Variants in MYH4 observed in about 807,000 individuals in gnomAD.
MYH4 encodes the protein myosin-4.
Under a neutral mutation model 229.9 loss-of-function variants are expected in MYH4, and 200 were observed. The observed-to-expected ratio is 0.87, with a 90% confidence interval of 0.78 to 0.98. MYH4 has a LOEUF of 0.98. Ranked by LOEUF, MYH4 falls within the 50% of genes least tolerant of loss-of-function variation. MYH4 has a pLI of 0.00. For synonymous variants in MYH4, 761 were observed against 834.6 expected (o/e 0.91, Z 1.52); for missense variants, 2,148 against 2,332.6 (o/e 0.92, Z 1.63).
rs778250398 is a variant in MYH4 at position 10,455,693 on chromosome 17, A to T, written c.2095T>A (p.Cys699Ser). 1 of 1,614,150 alleles carries T rather than the reference A, an allele frequency of 6.2e-7. No individual in the cohort carries two copies. The highest frequency in any genetic ancestry group is 1.1e-5 in the South Asian group (1 of 91,078). The change falls in exon 19 of 40, where the codon TGT becomes AGT. Residue 699 changes from cysteine to serine, a missense_variant. Physicochemically the swap from Cys to Ser is moderately radical, Grantham distance 112. Transcript: ENST00000255381. ...EHELVLHQLR[C>S]NGVLEGIRIC... ...CGGATGCCTTCCAGCACACCGTTAC[A>T]CCTCAGCTGATGCAGGACAAGCTCA...
chr17:10,463,460 C>A (rs1388250303), intron 8 of MYH4, 59 bp from the exon 9 acceptor site: 1 of 1,584,796 alleles, frequency 6.3e-7, no homozygotes. Context: ...ATTTCTTTAG[C>A]TGTGGACCAA....
chr17:10,457,511 G>T lies in MYH4; in HGVS notation c.1806C>A (p.Asp602Glu), dbSNP rs763727367. ...NIAGWLDKNK[D>E]PLNETVVGLY... is the part of the protein sequence containing the mutation. ...GCCCCACCACAGTCTCATTCAGGGG[G>T]TCCTTGTTTTTGTCCAGCCAGCCGG... is the stretch of plus-strand genomic sequence containing the variant. The change falls in exon 16 of 40, where the codon GAC becomes GAA. Residue 602 changes from aspartate (D) to glutamate (E), a missense_variant. Physicochemically the swap from Asp to Glu is conservative, Grantham distance 45 (BLOSUM62 2). Transcript: ENST00000255381. 134 of 1,614,072 alleles carry T rather than the reference G, an allele frequency of 8.3e-5. No homozygotes were observed. Among genetic ancestry groups the T allele is most frequent in the Admixed American group, 1.8e-4 (11 of 60,014 alleles).
At chr17:10,445,388 A>AAGC (rs1567697685) in intron 35 of MYH4, 26 bp from the exon 36 acceptor site, 10 of 1,612,498 alleles carry the variant, frequency 6.2e-6, no homozygotes, top group Non-Finnish European at 8.5e-6. Flanking sequence ...GAAAGAGAAG[A>AAGC]GAAGCACATT....
intron 2 of MYH4, 129 bp from the exon 3 acceptor site, chr17:10,466,913 A>G (rs2072774500): frequency 1.4e-6 from 1 of 740,660 alleles, no homozygotes; most frequent in Non-Finnish European, 2.2e-6. Context: ...CCACTCCTGT[A>G]TACTATGTCA....
chr17:10,464,804 C>T (rs2072744844), intron 5 of MYH4, 96 bp from the exon 6 acceptor site: 6 of 1,208,788 alleles, frequency 5.0e-6, no homozygotes, highest in Non-Finnish European at 5.8e-6. Flanking sequence ...TTTAAAACTC[C>T]CCATTTGCAA....
At position 10,454,439 on chromosome 17, in the gene MYH4, C is replaced by T. The variant is rs138776523; in HGVS notation, c.2691+116G>A. On this transcript the variant is annotated intron_variant, in intron 22 of 39. Coordinates refer to ENST00000255381, the MANE Select transcript of MYH4 (RefSeq NM_017533.2). Reference sequence around the variant, plus strand: ...TTTGCATCTATTGCTTCTTTATGCCCGAGTCTTGGTGTTTTTGAACAGCAA... The same window carrying T: ...TTTGCATCTATTGCTTCTTTATGCCTGAGTCTTGGTGTTTTTGAACAGCAA... The T allele has an allele frequency of 1.4e-4, 191 of 1,363,272 alleles. No individual in the cohort carries two copies. In the East Asian group the frequency reaches 3.6e-3, roughly 26 times the overall value. The allele number at this position is 1,363,272 out of a possible 1,614,324, so 84.4% of individuals were successfully genotyped here.
chr17:10,463,495 A>G, intron 8 of MYH4, 56 bp downstream of exon 8: 11 of 1,576,346 alleles, frequency 7.0e-6, no homozygotes, highest in Non-Finnish European at 8.7e-6. Context: ...TATTGACACC[A>G]CATGCACACA....
chr17:10,464,348 T>C, intron 7 of MYH4, 124 bp downstream of exon 7: 1 of 832,696 alleles, frequency 1.2e-6, no homozygotes. Flanking sequence ...TTGATCTTTT[T>C]TAAGGCTGCA....
At chr17:10,457,316 C>T (rs983528992) in intron 16 of MYH4, 104 bp downstream of exon 16, 1 of 1,283,304 alleles carries the variant, frequency 7.8e-7, no homozygotes, top group Non-Finnish European at 1.1e-6. Flanking sequence ...CATGTATTGG[C>T]CAGTGTTTTT....
chr17:10,450,799 C>G lies in MYH4; in HGVS notation c.3962G>C (p.Arg1321Thr). ...AFTQQIEELK[R>T]QLEEETKAKS... ...CACCTTAGTCTCCTCTTCTAGCTGC[C>G]TCTTTAATTCTTCAATCTGTTGTGT... Residue 1321 changes from arginine to threonine, a missense_variant, in exon 29 of 40, where the codon AGG (arginine) becomes ACG (threonine). Coordinates refer to ENST00000255381, the MANE Select transcript of MYH4 (RefSeq NM_017533.2). The G allele has an allele frequency of 6.2e-7, 1 of 1,613,936 alleles. No individual in the cohort carries two copies. The highest frequency in any genetic ancestry group is 1.1e-5 in the South Asian group (1 of 91,090).
At chr17:10,464,333 T>G in intron 7 of MYH4, 139 bp downstream of exon 7, 1 of 773,004 alleles carries the variant, frequency 1.3e-6, no homozygotes, top group East Asian at 2.7e-5. Context: ...GCAAAAAATA[T>G]GATTTTGATC....
chr17:10,447,730 T>C (rs1335476246), intron 34 of MYH4, 88 bp downstream of exon 34: 12 of 1,282,986 alleles, frequency 9.4e-6, no homozygotes, highest in Non-Finnish European at 1.3e-5. Context: ...AGGTGATTTA[T>C]GACACATAGT....
chr17:10,457,758 G>C (rs369299393), intron 15 of MYH4, 29 bp from the exon 16 acceptor site: 85 of 1,594,986 alleles, frequency 5.3e-5, no homozygotes, highest in East Asian at 6.7e-5. Flanking sequence ...GGATGATAAT[G>C]ATGAGTCCCT....
chr17:10,464,230 C>G (rs1260155040), intron 7 of MYH4, among the ~76,000 whole-genome samples: 1 of 152,078 alleles, frequency 6.6e-6, no homozygotes, highest in Non-Finnish European at 1.5e-5. Context: ...CATTCATGCT[C>G]AATGTCTAGC....
intron 15 of MYH4, among the ~76,000 whole-genome samples, chr17:10,458,412 C>T (rs73275425): frequency 0.029 from 4,435 of 152,234 alleles, 195 homozygotes; most frequent in African/African-American, 0.1. Context: ...ATAAAGTTTT[C>T]ATGAATAGTA....
intron 2 of MYH4, among the ~76,000 whole-genome samples, chr17:10,468,148 T>C (rs1318924391): frequency 6.6e-6 from 1 of 152,248 alleles, no homozygotes; most frequent in East Asian, 1.9e-4. Context: ...TTTTTTTTCT[T>C]TGAAGAAGAA....
At chr17:10,454,335 G>A (rs962445498) in intron 22 of MYH4, among the ~76,000 whole-genome samples, 2 of 152,204 alleles carry the variant, frequency 1.3e-5, no homozygotes, top group Non-Finnish European at 2.9e-5. Flanking sequence ...AATGTCTATT[G>A]ATATTTTTAT....
chr17:10,447,907 G>T lies in MYH4; in HGVS notation c.4876C>A (p.Leu1626Ile). 1 of 1,613,956 alleles carries T rather than the reference G, an allele frequency of 6.2e-7. No individual in the cohort carries two copies. Among genetic ancestry groups the T allele is most frequent in the East Asian group, 2.2e-5 (1 of 44,872 alleles). Reference sequence around the variant, plus strand: ...TTCAGCTGGATTTCCATTTCATTAAGATCTCCCTCCATCTTCTTCTTGATC... The same window carrying T: ...TTCAGCTGGATTTCCATTTCATTAATATCTCCCTCCATCTTCTTCTTGATC... ...LRIKKKMEGD[L>I]NEMEIQLNHA... Residue 1626 changes from leucine to isoleucine, a missense_variant, in exon 34 of 40, where the codon CTT becomes ATT. Transcript: ENST00000255381.
Position 10,453,890 on chromosome 17 carries a change from A to G in MYH4, c.2692-5T>C, listed in dbSNP as rs761613612. The G allele has an allele frequency of 3.1e-6, 5 of 1,613,592 alleles. No homozygotes were observed. In the South Asian group the frequency reaches 5.5e-5, roughly 18 times the overall value. The stretch of plus-strand genomic sequence containing the variant: ...ATCAGCCAAGGCATCTGCTTCCTAA[A>G]GGGAGAAATTAAGCATTTTCATTTG... On this transcript the variant is annotated splice_polypyrimidine_tract_variant and splice_region_variant and intron_variant, in intron 22 of 39. Coordinates refer to ENST00000255381, the MANE Select transcript of MYH4 (RefSeq NM_017533.2).
Sources: allele counts gnomAD v4.1 joint callset (sites outside exome capture counted in the v4.1 genomes callset), GRCh38; gene constraint gnomAD v4.1.1; transcripts MANE v1.5; gene names NCBI Gene and HGNC (gene_info 2026-07-23, HGNC 2026-07-21).